The following BTBD3 variants were observed in gnomAD, a reference collection of about 807,000 sequenced individuals.
BTBD3 encodes BTB domain containing 3.
In BTBD3, 14 loss-of-function variants were observed where a neutral mutation model predicts 41.6. The observed-to-expected ratio is 0.34, with a 90% CI of 0.22 to 0.53. The LOEUF is 0.53. Ranked by LOEUF, BTBD3 falls within the 20% of genes least tolerant of loss-of-function variation. BTBD3 has a pLI of 0.95. For missense variants in BTBD3, 426 were observed against 654.7 expected, an observed-to-expected ratio of 0.65 and a Z score of 3.81; for synonymous variants, 249 against 233.7, an observed-to-expected ratio of 1.07 and a Z score of -0.60.
intron 3 of BTBD3, among the ~76,000 whole-genome samples, 195 bp downstream of exon 3, chr20:11,920,031 T>C (rs2056954800): frequency 6.6e-6 from 1 of 152,232 alleles, no homozygotes; most frequent in Non-Finnish European, 1.5e-5. Flanking sequence ...ATGCAGCATT[T>C]ATAATCGCAC....
chr20:11,895,040 C>T (rs559132334), intron 1 of BTBD3, among the ~76,000 whole-genome samples: 1 of 152,150 alleles, frequency 6.6e-6, no homozygotes, highest in African/African-American at 2.4e-5. Flanking sequence ...GCTCCTATAC[C>T]GCCGCTGCCT....
intron 1 of BTBD3, among the ~76,000 whole-genome samples, chr20:11,902,978 T>G (rs1192660023): frequency 6.6e-6 from 1 of 152,182 alleles, no homozygotes; most frequent in African/African-American, 2.4e-5. Context: ...CAACTAATTT[T>G]CCAATATAGT....
intron 1 of BTBD3, among the ~76,000 whole-genome samples, chr20:11,902,375 A>C (rs181425566): frequency 6.6e-6 from 1 of 152,220 alleles, no homozygotes. Flanking sequence ...TCTACAGTAC[A>C]TATCAAGCAA....
intron 1 of BTBD3, among the ~76,000 whole-genome samples, chr20:11,898,974 T>C (rs749981301): frequency 6.6e-6 from 1 of 152,194 alleles, no homozygotes; most frequent in Non-Finnish European, 1.5e-5. Flanking sequence ...TAATCAAGAG[T>C]AGGTGTGGCA....
At chr20:11,896,051 G>A (rs997637304) in intron 1 of BTBD3, among the ~76,000 whole-genome samples, 1 of 152,132 alleles carries the variant, frequency 6.6e-6, no homozygotes, top group Non-Finnish European at 1.5e-5. Flanking sequence ...TAAATTTACC[G>A]TCTTAATCTG....
chr20:11,904,700 A>G (rs2056843248), intron 1 of BTBD3, among the ~76,000 whole-genome samples: 1 of 152,202 alleles, frequency 6.6e-6, no homozygotes, highest in Non-Finnish European at 1.5e-5. Flanking sequence ...TTTTCATTGA[A>G]GCATATGAAG....
rs188231727 is a variant in BTBD3 at position 11,911,432 on chromosome 20, A to G, written c.-125-6902A>G. Reference sequence around the variant, plus strand: ...GAAAAGATAGGCGATCATGTAGTCAATACACCTGAGGAAATGTACCATGAG... The same window carrying G: ...GAAAAGATAGGCGATCATGTAGTCAGTACACCTGAGGAAATGTACCATGAG... On this transcript the variant is annotated intron_variant, in intron 1 of 4. Transcript: ENST00000254977. Among the ~76,000 whole-genome samples, 66 of 152,288 alleles carry G rather than the reference A, an allele frequency of 4.3e-4. 1 individual carries two copies. In the East Asian group the frequency reaches 9.9e-3, roughly 23 times the overall value.
In BTBD3 at chr20:11,908,186, A is replaced by T. The variant is rs558837257; in HGVS notation, c.-125-10148A>T. 6.6e-5 allele frequency among the ~76,000 whole-genome samples: 10 copies of T among 152,086 alleles called. No homozygotes were observed. The East Asian group carries it at 1.9e-3, about 29-fold the overall frequency. ...ACAAGTAAAATCCTTATGCAGAGAGACCTGACTCAGATGTAAATTGTGATC... is the reference window on the plus strand; with the variant it reads ...ACAAGTAAAATCCTTATGCAGAGAGTCCTGACTCAGATGTAAATTGTGATC... On this transcript the variant is annotated intron_variant, in intron 1 of 4. Transcript: ENST00000254977.
chr20:11,921,317 G>C (rs1009877493), intron 3 of BTBD3, among the ~76,000 whole-genome samples: 2 of 152,224 alleles, frequency 1.3e-5, no homozygotes, highest in African/African-American at 4.8e-5. Flanking sequence ...GCCTATAGCA[G>C]ATATTGATAA....
chr20:11,904,242 G>T (rs938286273), intron 1 of BTBD3, among the ~76,000 whole-genome samples: 4 of 152,174 alleles, frequency 2.6e-5, no homozygotes, highest in African/African-American at 7.2e-5. Flanking sequence ...AGGAAACATA[G>T]AATCATGGCA....
intron 3 of BTBD3, among the ~76,000 whole-genome samples, chr20:11,920,845 T>A (rs979341061): frequency 3.9e-5 from 6 of 152,344 alleles, no homozygotes; most frequent in Non-Finnish European, 7.3e-5. Context: ...CATACATTGT[T>A]TACTGTCTTC....
chr20:11,918,545 C>G lies in BTBD3; in HGVS notation c.270C>G (p.Asn90Lys). 1 of 1,613,936 alleles carries G rather than the reference C, an allele frequency of 6.2e-7. No homozygotes were observed. The highest frequency in any genetic ancestry group is 8.5e-7 in the Non-Finnish European group (1 of 1,179,938). Residue 90 changes from asparagine (N) to lysine (K), a missense_variant, in exon 1 of 4, where the codon AAC becomes AAG. Physicochemically the swap from Asn to Lys is moderately conservative, Grantham distance 94. Around this residue, in one of 3 missense-constraint regions of BTBD3, gnomAD observed 52 missense variants for 45.1 expected, o/e 1.15. Transcript: ENST00000378226. ...VQQYHQQNLS[N>K]NNLIPAPNWQ... ...AGTACCACCAGCAGAATCTCAGTAA[C>G]AACAACCTTATCCCGGCCCCAAACT...
Position 11,918,299 on chromosome 20 carries a change from C to G in BTBD3, c.24C>G (p.Asn8Lys), listed in dbSNP as rs1485683190. 2.5e-6 allele frequency: 4 copies of G among 1,597,566 alleles called. No individual in the cohort carries two copies. The highest frequency in any genetic ancestry group is 3.4e-6 in the Non-Finnish European group (4 of 1,174,312). Residue 8 changes from asparagine to lysine, a missense_variant, in exon 1 of 4, where the codon AAC (asparagine) becomes AAG (lysine). Physicochemically the swap from Asn to Lys is moderately conservative, Grantham distance 94. Coordinates refer to ENST00000378226, the MANE Select transcript of BTBD3 (RefSeq NM_014962.4). ...TCATGGTAGATGACAAGGAAAAGAA[C>G]ATGAAATGTCTCACCTTCTTCTTGA... is the stretch of plus-strand genomic sequence containing the variant. MVDDKEK[N>K]MKCLTFFLML...
At position 11,919,849 on chromosome 20, in the gene BTBD3, CG is replaced by C; in HGVS notation, c.536+14del. ...TCGCTATGCTGAAGTAAGCATCATT[CG>C]TGTGTTTGGAAAGAGTTTGTTTATG... On this transcript the variant is annotated intron_variant, in intron 3 of 3. Coordinates refer to ENST00000378226, the MANE Select transcript of BTBD3 (RefSeq NM_014962.4). The C allele has an allele frequency of 6.2e-7, 1 of 1,603,562 alleles. No individual in the cohort carries two copies. Among genetic ancestry groups the C allele is most frequent in the Non-Finnish European group, 8.5e-7 (1 of 1,170,386 alleles).
intron 3 of BTBD3, 113 bp from the exon 4 acceptor site, chr20:11,922,521 A>C: frequency 1.2e-6 from 1 of 830,404 alleles, no homozygotes; most frequent in South Asian, 1.8e-5. Context: ...TGTTTGTATT[A>C]ACTGTCACAT....
Position 11,897,422 on chromosome 20 carries a change from T to C in BTBD3, c.-126+6468T>C, listed in dbSNP as rs190924915. On this transcript the variant is annotated intron_variant, in intron 1 of 4. Transcript: ENST00000254977. ...AAGTAATTGTGGTTTTTTGCATTAA[T>C]GGCAAATTACTTTTGCACCAACCTA... 7.9e-3 allele frequency among the ~76,000 whole-genome samples: 1,140 copies of C among 143,924 alleles called. 14 individuals carry two copies. Among genetic ancestry groups the C allele is most frequent in the Middle Eastern group, 0.032 (8 of 252 alleles). 94.4% of individuals were successfully genotyped at this position (143,924 alleles called of 152,430 possible). A position where few individuals can be genotyped will look rare whatever the true frequency, so the allele number is the denominator to read the frequency against.
rs571232399 is a variant in BTBD3 at position 11,920,272 on chromosome 20, T to G, written c.536+436T>G. ...AGATTTCTGAGTATTCTAAGAGTTATTGTCTCCTAAGAGCAAATGAAAAAC... is the reference window on the plus strand; with the variant it reads ...AGATTTCTGAGTATTCTAAGAGTTAGTGTCTCCTAAGAGCAAATGAAAAAC... On this transcript the variant is annotated intron_variant, in intron 3 of 3. Coordinates refer to ENST00000378226, the MANE Select transcript of BTBD3 (RefSeq NM_014962.4). 4.6e-5 allele frequency among the ~76,000 whole-genome samples: 7 copies of G among 152,322 alleles called. 1 individual carries two copies. Among genetic ancestry groups the G allele is most frequent in the African/African-American group, 1.7e-4 (7 of 41,584 alleles).
At chr20:11,904,738 C>G (rs1383643194) in intron 1 of BTBD3, among the ~76,000 whole-genome samples, 2 of 152,046 alleles carry the variant, frequency 1.3e-5, no homozygotes, top group Non-Finnish European at 2.9e-5. Flanking sequence ...AGATGTATAG[C>G]TGGAAAAGAA....
intron 1 of BTBD3, among the ~76,000 whole-genome samples, chr20:11,892,764 C>G (rs1429241748): frequency 6.6e-6 from 1 of 152,050 alleles, no homozygotes; most frequent in Admixed American, 6.5e-5. Flanking sequence ...GGTGCACATG[C>G]CTAAGAATTG....
Sources: allele counts gnomAD v4.1 joint callset (sites outside exome capture counted in the v4.1 genomes callset), GRCh38; gene constraint gnomAD v4.1.1; regional missense constraint gnomAD v4.1.1; transcripts MANE v1.5; gene names NCBI Gene and HGNC (gene_info 2026-07-23, HGNC 2026-07-21).